The following CHRDL1 variants were observed in gnomAD, a reference collection of about 807,000 sequenced individuals.
The protein encoded by CHRDL1 is chordin-like protein 1.
A neutral mutation model predicts 40.9 loss-of-function variants in CHRDL1; 19 were observed. The ratio of observed to expected loss-of-function variants is 0.46; its 90% CI spans 0.32 to 0.68. The LOEUF (loss-of-function observed/expected upper bound fraction) is 0.68. Among genes scored for constraint, CHRDL1 ranks in the 30% least tolerant of loss-of-function variants. CHRDL1 has a pLI of 0.03. For missense variants in CHRDL1, 329 were observed against 352.1 expected (o/e 0.93, Z 0.53); for synonymous variants, 136 against 123.4 (o/e 1.10, Z -0.68).
At chrX:110,769,491 A>C (rs1368142192) in intron 2 of CHRDL1, among the ~76,000 whole-genome samples, 1 of 112,797 alleles carries the variant, frequency 8.9e-6, no homozygotes, top group African/African-American at 3.2e-5. Context: ...ATCTAAGTAC[A>C]GAAATAGGCA....
chrX:110,713,722 G>A (rs1414486648), intron 6 of CHRDL1, among the ~76,000 whole-genome samples: 1 of 112,675 alleles, frequency 8.9e-6, no homozygotes, highest in African/African-American at 3.2e-5. Flanking sequence ...GTAGAATGGG[G>A]ATATAAATAG....
intron 6 of CHRDL1, among the ~76,000 whole-genome samples, chrX:110,707,213 C>T (rs1482845027): frequency 8.9e-6 from 1 of 111,866 alleles, no homozygotes; most frequent in Non-Finnish European, 1.9e-5. Context: ...CACTGATAGG[C>T]ATTTGAGCTT....
intron 7 of CHRDL1, among the ~76,000 whole-genome samples, chrX:110,699,973 C>T (rs1201728447): frequency 1.8e-5 from 2 of 112,523 alleles, no homozygotes; most frequent in Non-Finnish European, 3.8e-5. Flanking sequence ...TTCTTTGAAT[C>T]GGAACATCTC....
chrX:110,759,754 T>C lies in CHRDL1; in HGVS notation c.208A>G (p.Asn70Asp). The change falls in exon 4 of 12, where the codon AAT becomes GAT. Residue 70 changes from asparagine to aspartate, a missense_variant and splice_region_variant. Physicochemically the swap from Asn to Asp is conservative, Grantham distance 23 (BLOSUM62 1). Transcript: ENST00000372042. ...ACTCGGCTGCAAAGCACATTCCCAT[T>C]CTGAAAAAGAGAAGGCAATGAGAAA... ...VYCVNCICSE[N>D]GNVLCSRVRC... is the part of the protein sequence containing the mutation. 1 of 1,179,707 alleles carries C rather than the reference T, an allele frequency of 8.5e-7. No homozygotes were observed. The highest frequency in any genetic ancestry group is 1.2e-6 in the Non-Finnish European group (1 of 866,505).
At chrX:110,689,072 GTA>G (rs758293619) in intron 8 of CHRDL1, among the ~76,000 whole-genome samples, 2,827 of 30,722 alleles carry the variant, frequency 0.092, 86 homozygotes, top group East Asian at 0.19. Context: ...ATATATATAT[GTA>G]TATATATATA....
chrX:110,786,926 C>T lies in CHRDL1; in HGVS notation c.94+5162G>A, dbSNP rs1048316459. ...TGGCTGCCATGTATAAAGGACTGGG[C>T]TTCTATTCAAGACAATGAACTGACT... On this transcript the variant is annotated intron_variant, in intron 2 of 11. Transcript: ENST00000372042. Among the ~76,000 whole-genome samples, 5 of 111,708 alleles carry T rather than the reference C, an allele frequency of 4.5e-5. No homozygotes were observed. The East Asian group carries it at 1.4e-3, about 31-fold the overall frequency.
At chrX:110,704,409 T>C (rs1294395653) in intron 6 of CHRDL1, among the ~76,000 whole-genome samples, 2 of 111,838 alleles carry the variant, frequency 1.8e-5, no homozygotes, top group African/African-American at 6.5e-5. Flanking sequence ...AAAACTGATA[T>C]TTGTGGAAGC....
At chrX:110,726,828 G>A (rs915966929) in intron 4 of CHRDL1, among the ~76,000 whole-genome samples, 1 of 112,087 alleles carries the variant, frequency 8.9e-6, no homozygotes, top group Non-Finnish European at 1.9e-5. Context: ...GCACTGATGT[G>A]TATGGTAGGT....
intron 9 of CHRDL1, among the ~76,000 whole-genome samples, chrX:110,684,757 G>A (rs1323294803): frequency 8.9e-6 from 1 of 112,666 alleles, no homozygotes; most frequent in Non-Finnish European, 1.9e-5. Flanking sequence ...GCAAGTGCAT[G>A]CCTCCTGATG....
At chrX:110,745,116 C>T (rs7881301) in intron 4 of CHRDL1, among the ~76,000 whole-genome samples, 4,366 of 111,339 alleles carry the variant, frequency 0.039, 208 homozygotes, top group African/African-American at 0.13. Context: ...CTCCATAGTG[C>T]TCAGTTCTTC....
intron 6 of CHRDL1, among the ~76,000 whole-genome samples, chrX:110,702,723 T>C (rs2070540996): frequency 1.8e-5 from 2 of 112,127 alleles, no homozygotes; most frequent in Admixed American, 1.9e-4. Context: ...CCAACCCCCA[T>C]CTGATATTTA....
At chrX:110,725,027 C>T in intron 4 of CHRDL1, among the ~76,000 whole-genome samples, 1 of 111,655 alleles carries the variant, frequency 9.0e-6, no homozygotes, top group Non-Finnish European at 1.9e-5. Context: ...TCAGGGAATG[C>T]TACAATAGGA....
intron 4 of CHRDL1, among the ~76,000 whole-genome samples, chrX:110,732,470 C>T (rs773433429): frequency 2.0e-4 from 22 of 111,957 alleles, no homozygotes; most frequent in Admixed American, 1.8e-3. Context: ...AAGAAGGTGC[C>T]GAGTGAGAGG....
At chrX:110,733,516 T>C (rs113734106) in intron 4 of CHRDL1, among the ~76,000 whole-genome samples, 207 of 111,703 alleles carry the variant, frequency 1.9e-3, no homozygotes, top group African/African-American at 6.1e-3. Flanking sequence ...ATCTAGCACC[T>C]AATATAAAGT....
At chrX:110,760,781 T>G (rs1269853803) in intron 3 of CHRDL1, among the ~76,000 whole-genome samples, 1 of 111,849 alleles carries the variant, frequency 8.9e-6, no homozygotes, top group Non-Finnish European at 1.9e-5. Flanking sequence ...AACCTTTTCC[T>G]TTTCTTGTGT....
At chrX:110,709,317 C>T (rs894743177) in intron 6 of CHRDL1, among the ~76,000 whole-genome samples, 3 of 112,068 alleles carry the variant, frequency 2.7e-5, no homozygotes, top group Non-Finnish European at 5.6e-5. Context: ...GGGGAATACC[C>T]GGCTTAAGGG....
chrX:110,788,555 G>A (rs997995948), intron 2 of CHRDL1, among the ~76,000 whole-genome samples: 2 of 111,819 alleles, frequency 1.8e-5, no homozygotes, highest in Non-Finnish European at 3.8e-5. Flanking sequence ...GACGTGAAGG[G>A]TTTATGACCC....
At chrX:110,735,696 A>G (rs1217023192) in intron 4 of CHRDL1, among the ~76,000 whole-genome samples, 1 of 112,619 alleles carries the variant, frequency 8.9e-6, no homozygotes, top group Non-Finnish European at 1.9e-5. Flanking sequence ...TTGCAACAAC[A>G]GCCCAATGAC....
chrX:110,732,165 A>G, intron 4 of CHRDL1, among the ~76,000 whole-genome samples: 1 of 111,236 alleles, frequency 9.0e-6, no homozygotes, highest in Non-Finnish European at 1.9e-5. Flanking sequence ...GGGTAGAGGG[A>G]GTCAATCTCA....
Sources: allele counts gnomAD v4.1 joint callset (sites outside exome capture counted in the v4.1 genomes callset), GRCh38; gene constraint gnomAD v4.1.1; transcripts MANE v1.5; gene names NCBI Gene and HGNC (gene_info 2026-07-23, HGNC 2026-07-21).